The following SLC25A17 variants were observed in gnomAD, a reference collection of about 807,000 sequenced individuals.
SLC25A17 encodes the protein peroxisomal membrane protein PMP34.
In SLC25A17, 26 loss-of-function variants were observed where a neutral mutation model predicts 38.5. That is an observed-to-expected ratio of 0.68 (90% confidence interval 0.50 to 0.94). The LOEUF is 0.94. Among genes scored for constraint, SLC25A17 ranks in the 40% least tolerant of loss-of-function variants. The pLI is 0.00. For synonymous variants in SLC25A17, 139 were observed against 136.2 expected (o/e 1.02, Z -0.14); for missense variants, 333 against 372.7 (o/e 0.89, Z 0.88).
Position 40,799,036 on chromosome 22 carries a change from T to G in SLC25A17, c.102A>C (p.Arg34Ser). 1.2e-6 allele frequency: 2 copies of G among 1,612,640 alleles called. No homozygotes were observed. The highest frequency in any genetic ancestry group is 1.7e-6 in the Non-Finnish European group (2 of 1,178,804). Residue 34 changes from arginine (R) to serine (S), a missense_variant, in exon 2 of 9, where the codon AGA (arginine) becomes AGC (serine). Transcript: ENST00000435456. ...ATTTCTACTTACCCTGAAGTCGAAG[T>G]CTAGCTGTATCCAGGGGAAAAAACA... ...MTVFFPLDTA[R>S]LRLQVDEKRK... is the part of the protein sequence containing the mutation.
At chr22:40,792,392 TA>T (rs971325689) in intron 4 of SLC25A17, 132 bp downstream of exon 4, 40,180 of 550,224 alleles carry the variant, frequency 0.073, no homozygotes, top group South Asian at 0.086. Flanking sequence ...TTAACACAAT[TA>T]AAAAAAAAAA....
At position 40,769,810 on chromosome 22, in the gene SLC25A17, T is replaced by C. The variant is rs2057164036; in HGVS notation, c.*1024A>G. The C allele has an allele frequency of 6.6e-6, 1 of 152,226 alleles. No homozygotes were observed. The highest frequency in any genetic ancestry group is 2.4e-5 in the African/African-American group (1 of 41,458). The allele number at this position is 152,226 out of a possible 1,614,324, so 9.4% of individuals were successfully genotyped here. On this transcript the variant is annotated 3_prime_UTR_variant, in exon 9 of 9. Transcript: ENST00000435456. ...AAAATACGGAACAGGATTCAGAAACTCTGGGTTGCGTGCCCAGCAAGCTCT... is the reference window on the plus strand; with the variant it reads ...AAAATACGGAACAGGATTCAGAAACCCTGGGTTGCGTGCCCAGCAAGCTCT...
At chr22:40,814,643 A>T (rs1295294240) in intron 1 of SLC25A17, among the ~76,000 whole-genome samples, 1 of 152,010 alleles carries the variant, frequency 6.6e-6, no homozygotes, top group East Asian at 1.9e-4. Context: ...CTGGTTATCC[A>T]TGACCTTAAA....
chr22:40,819,197 C>T lies in SLC25A17; in HGVS notation c.52G>A (p.Val18Met). Residue 18 changes from valine (V) to methionine (M), a missense_variant and splice_region_variant, in exon 1 of 9, where the codon GTG becomes ATG. Physicochemically the swap from Val to Met is conservative, Grantham distance 21. Transcript: ENST00000435456. ...ESLVHAVAGA[V>M]GSVTAMTVFF... Reference sequence around the variant, plus strand: ...CGGGCGTAAAGACCCCGTCTCACCACGGCTCCGGCCACGGCGTGGACCAGG... The same window carrying T: ...CGGGCGTAAAGACCCCGTCTCACCATGGCTCCGGCCACGGCGTGGACCAGG... The T allele has an allele frequency of 6.2e-7, 1 of 1,613,754 alleles. No homozygotes were observed. Among genetic ancestry groups the T allele is most frequent in the Non-Finnish European group, 8.5e-7 (1 of 1,180,012 alleles).
intron 1 of SLC25A17, among the ~76,000 whole-genome samples, chr22:40,802,113 G>A (rs147030259): frequency 6.6e-6 from 1 of 152,124 alleles, no homozygotes; most frequent in East Asian, 1.9e-4. Flanking sequence ...TCTTTGAAGG[G>A]TACTGCATAG....
chr22:40,785,302 T>C (rs2145662836), intron 4 of SLC25A17, among the ~76,000 whole-genome samples: 1 of 152,358 alleles, frequency 6.6e-6, no homozygotes, highest in East Asian at 1.9e-4. Context: ...GAAAATCTCT[T>C]GAACCTGGGA....
intron 7 of SLC25A17, 71 bp downstream of exon 7, chr22:40,776,969 T>C: frequency 7.9e-7 from 1 of 1,258,294 alleles, no homozygotes; most frequent in Admixed American, 1.9e-5. Flanking sequence ...TTATTAACAT[T>C]GTTTTAAATC....
chr22:40,777,792 A>T (rs574224668), intron 5 of SLC25A17, among the ~76,000 whole-genome samples: 1 of 152,230 alleles, frequency 6.6e-6, no homozygotes, highest in East Asian at 1.9e-4. Flanking sequence ...CAAAAAAAAA[A>T]AAAAAAAGAT....
At chr22:40,783,854 C>T (rs986780084) in intron 4 of SLC25A17, among the ~76,000 whole-genome samples, 11 of 152,058 alleles carry the variant, frequency 7.2e-5, no homozygotes, top group Non-Finnish European at 1.6e-4. Flanking sequence ...GATAGGTGCC[C>T]GCTACCACAC....
intron 5 of SLC25A17, among the ~76,000 whole-genome samples, chr22:40,777,782 C>CAA (rs76343843): frequency 2.7e-4 from 24 of 90,302 alleles, no homozygotes; most frequent in African/African-American, 7.9e-4. Context: ...ACTCCATTTC[C>CAA]AAAAAAAAAA....
At chr22:40,799,390 G>A (rs1352286028) in intron 1 of SLC25A17, among the ~76,000 whole-genome samples, 2 of 141,892 alleles carry the variant, frequency 1.4e-5, no homozygotes, top group Non-Finnish European at 3.0e-5. Context: ...TTGAGATGGA[G>A]TCTTGTTCTG....
At chr22:40,813,283 A>G (rs1044316048) in intron 1 of SLC25A17, among the ~76,000 whole-genome samples, 3 of 152,210 alleles carry the variant, frequency 2.0e-5, no homozygotes, top group African/African-American at 7.2e-5. Flanking sequence ...CACACCTGCA[A>G]TCCCAGCACT....
chr22:40,793,618 C>CT (rs368063631), intron 3 of SLC25A17, among the ~76,000 whole-genome samples: 40 of 146,442 alleles, frequency 2.7e-4, no homozygotes, highest in South Asian at 6.5e-4. Flanking sequence ...TTTCTATTTT[C>CT]TTTTTTTTTT....
In SLC25A17 at chr22:40,778,975, C is replaced by A. The variant is rs140204846; in HGVS notation, c.451+34G>T. On this transcript the variant is annotated intron_variant, in intron 5 of 8. Transcript: ENST00000435456. ...TTCCAGATACAAAGAAGGAAGAAAA[C>A]CCTTAAATAGGAATTCAGCAAAGAG... The A allele has an allele frequency of 5.5e-5, 86 of 1,559,534 alleles. No homozygotes were observed. In the East Asian group the frequency reaches 1.6e-3, roughly 29 times the overall value.
intron 7 of SLC25A17, 117 bp from the exon 8 acceptor site, chr22:40,774,136 T>G (rs1465091916): frequency 1.6e-5 from 10 of 626,442 alleles, no homozygotes; most frequent in Non-Finnish European, 2.3e-5. Flanking sequence ...AATAAATTTA[T>G]CCAATTAGTA....
At chr22:40,809,622 C>A (rs2057560807) in intron 1 of SLC25A17, among the ~76,000 whole-genome samples, 1 of 151,676 alleles carries the variant, frequency 6.6e-6, no homozygotes, top group Non-Finnish European at 1.5e-5. Context: ...CACAGTGAGA[C>A]CCTGTCTCAA....
intron 4 of SLC25A17, chr22:40,779,495 A>G (rs922688949): frequency 3.0e-5 from 14 of 472,278 alleles, no homozygotes; most frequent in African/African-American, 2.7e-4. Flanking sequence ...TACAGCTAAC[A>G]TGCTAAGTCC....
At chr22:40,797,137 G>C (rs1820957358) in intron 2 of SLC25A17, 1 of 413,966 alleles carries the variant, frequency 2.4e-6, no homozygotes, top group African/African-American at 2.1e-5. Context: ...CAGACTAAGA[G>C]TGAGCATTTT....
rs199681058 is a variant in SLC25A17, at chr22:40,794,553, G to A, written c.143C>T (p.Thr48Ile). 1.2e-6 allele frequency: 2 copies of A among 1,611,376 alleles called. No individual in the cohort carries two copies. Among genetic ancestry groups the A allele is most frequent in the Non-Finnish European group, 8.5e-7 (1 of 1,177,814 alleles). Reference sequence around the variant, plus strand: ...AATGATCTCCAGGAGCACCATGTGTGTAGTTTTGGATTTTCTTTTCTCATC... The same window carrying A: ...AATGATCTCCAGGAGCACCATGTGTATAGTTTTGGATTTTCTTTTCTCATC... ...QVDEKRKSKTTHMVLLEIIKE... is the reference protein window; with the variant it reads ...QVDEKRKSKTIHMVLLEIIKE... Residue 48 changes from threonine (T) to isoleucine (I), a missense_variant, in exon 3 of 9, where the codon ACA becomes ATA. Physicochemically the swap from Thr to Ile is moderately conservative, Grantham distance 89. Coordinates refer to ENST00000435456, the MANE Select transcript of SLC25A17 (RefSeq NM_006358.4).
Sources: gnomAD v4.1 joint callset for allele counts (sites outside exome capture counted in the v4.1 genomes callset) on GRCh38, gnomAD v4.1.1 for gene constraint, MANE v1.5 for transcripts, NCBI Gene and HGNC (gene_info 2026-07-23, HGNC 2026-07-21) for gene names.